DDX39B: variants seen among roughly 807,000 people sequenced by gnomAD.
The protein encoded by DDX39B is DExD-box helicase 39B, also known as spliceosome RNA helicase DDX39B.
Under a neutral mutation model 46.4 loss-of-function variants are expected in DDX39B, and 6 were observed. The ratio of observed to expected loss-of-function variants is 0.13; its 90% CI spans 0.07 to 0.26. The LOEUF is 0.26. DDX39B is among the 10% of genes least tolerant of loss of function. The probability of loss-of-function intolerance (pLI) is 1.00; values close to 1 mark genes in which losing one functional copy is unlikely to be tolerated. For synonymous variants in DDX39B, 174 were observed against 199.4 expected (o/e 0.87, Z 1.07); for missense variants, 185 against 553.4 (o/e 0.33, Z 6.68).
chr6:31,537,840 A>G (rs1187252521), intron 4 of DDX39B, among the ~76,000 whole-genome samples: 2 of 152,152 alleles, frequency 1.3e-5, no homozygotes, highest in African/African-American at 4.8e-5. Flanking sequence ...GTTCGAGACC[A>G]GCCTGGCCAA....
Position 31,536,813 on chromosome 6 carries a change from C to T in DDX39B, c.433-130G>A, listed in dbSNP as rs375020328. The T allele has an allele frequency of 1.1e-4, 123 of 1,163,338 alleles. No individual in the cohort carries two copies. The African/African-American group carries it at 1.5e-3, about 14-fold the overall frequency. The allele number at this position is 1,163,338 out of a possible 1,614,324, so 72.1% of individuals were successfully genotyped here. A position where few individuals can be genotyped will look rare whatever the true frequency, so the allele number is the denominator to read the frequency against. The stretch of plus-strand genomic sequence containing the variant: ...AAACTAAAACTAACTTTAGAGGGCA[C>T]CTAATTTAAAAATTTTATGTCCCCC... On this transcript the variant is annotated intron_variant, in intron 4 of 10. Coordinates refer to ENST00000396172, the MANE Select transcript of DDX39B (RefSeq NM_004640.7).
chr6:31,541,924 G>C (rs781102857), intron 1 of DDX39B, 26 bp downstream of exon 1: 21 of 644,066 alleles, frequency 3.3e-5, no homozygotes, highest in Non-Finnish European at 5.4e-5. Context: ...AGATGGAAAC[G>C]GATTGTAGCG....
chr6:31,535,455 C>T lies in DDX39B; in HGVS notation c.647G>A (p.Arg216His). ...GACCTGCTTCTCGTGGGGGGTCATG[C>T]GAAAAATTTCCTGGACATCCCGACG... ...DMRRDVQEIF[R>H]MTPHEKQVMM... The change falls in exon 6 of 11, where the codon CGC becomes CAC. Residue 216 changes from arginine (R) to histidine (H), a missense_variant. This residue lies in a region of DDX39B where 110 missense variants were observed against 282.2 expected (regional missense o/e 0.39). Coordinates refer to ENST00000396172, the MANE Select transcript of DDX39B (RefSeq NM_004640.7). This position sits in a 1 kb window ranked among gnomAD's most constrained non-coding sequence, Gnocchi z 4.6. The T allele has an allele frequency of 6.2e-7, 1 of 1,612,240 alleles. No individual in the cohort carries two copies. Among genetic ancestry groups the T allele is most frequent in the Non-Finnish European group, 8.5e-7 (1 of 1,179,512 alleles).
chr6:31,532,913 TGGGG>T lies in DDX39B; in HGVS notation c.736-6_736-3del. The T allele has an allele frequency of 6.8e-6, 3 of 443,368 alleles. No homozygotes were observed. Among genetic ancestry groups the T allele is most frequent in the Non-Finnish European group, 6.8e-6 (2 of 293,122 alleles). The allele number at this position is 443,368 out of a possible 1,614,324, so 27.5% of individuals were successfully genotyped here. A position where few individuals can be genotyped will look rare whatever the true frequency, so the allele number is the denominator to read the frequency against. On this transcript the variant is annotated splice_polypyrimidine_tract_variant and splice_region_variant and intron_variant, in intron 6 of 10. Transcript: ENST00000396172. ...ATCATCCACGAAGATCTCCATTGGCTGGGGGGGAGGAAGGGGGTGGGGAACGGGA... is the reference window on the plus strand; with the variant it reads ...ATCATCCACGAAGATCTCCATTGGCTGGGAGGAAGGGGGTGGGGAACGGGA...
intron 5 of DDX39B, 194 bp downstream of exon 5, chr6:31,536,306 T>C (rs752208953): frequency 9.5e-5 from 79 of 829,698 alleles, no homozygotes; most frequent in Non-Finnish European, 1.3e-4. Context: ...ACAAAAATCA[T>C]AGAAAGATGA....
In DDX39B at chr6:31,536,550, T is replaced by C; in HGVS notation, c.566A>G (p.His189Arg). 6.2e-7 allele frequency: 1 copy of C among 1,613,184 alleles called. No homozygotes were observed. Among genetic ancestry groups the C allele is most frequent in the Non-Finnish European group, 8.5e-7 (1 of 1,180,038 alleles). The change falls in exon 5 of 11, where the codon CAC (histidine) becomes CGC (arginine). Residue 189 changes from histidine (H) to arginine (R), a missense_variant. Transcript: ENST00000396172. ...TTCATCCAAAATAAAGTGTTTAATG[T>C]GTTTGAGGTTGAGGCTCTTATTTCG... ...LARNKSLNLK[H>R]IKHFILDECD...
At chr6:31,533,232 G>A in intron 6 of DDX39B, 2 of 277,692 alleles carry the variant, frequency 7.2e-6, no homozygotes, top group Non-Finnish European at 7.1e-6. Context: ...AGGTGGGAGA[G>A]GAAAGAAAAT....
Position 31,530,601 on chromosome 6 carries a change from A to G in DDX39B, c.1271-151T>C. 9.3e-7 allele frequency: 1 copy of G among 1,079,920 alleles called. No homozygotes were observed. Among genetic ancestry groups the G allele is most frequent in the Non-Finnish European group, 1.3e-6 (1 of 789,954 alleles). 66.9% of individuals were successfully genotyped at this position (1,079,920 alleles called of 1,614,324 possible). ...AAGGGATGTAATATGATGAGAGAAG[A>G]CAAGACACCCCACATAAAGGTCAGA... On this transcript the variant is annotated intron_variant, in intron 10 of 10. Coordinates refer to ENST00000396172, the MANE Select transcript of DDX39B (RefSeq NM_004640.7). The surrounding 1 kb of genome is among the most constrained non-coding windows in gnomAD (Gnocchi z 4.5).
In DDX39B at chr6:31,530,768, T is replaced by C; in HGVS notation, c.1270+11A>G. The C allele has an allele frequency of 6.2e-7, 1 of 1,610,802 alleles. No homozygotes were observed. The highest frequency in any genetic ancestry group is 1.1e-5 in the South Asian group (1 of 91,058). On this transcript the variant is annotated intron_variant, in intron 10 of 10. Transcript: ENST00000396172. The surrounding 1 kb of genome is among the most constrained non-coding windows in gnomAD (Gnocchi z 4.5). ...GGAGGACCTAAAGGGTTTCATGAGA[T>C]CAGTACTCACTGTAGGAGGAGATGT...
chr6:31,536,788 A>G, intron 4 of DDX39B, 105 bp from the exon 5 acceptor site: 1 of 1,401,108 alleles, frequency 7.1e-7, no homozygotes, highest in Non-Finnish European at 9.5e-7. Context: ...GCATGTTTCC[A>G]AACTAAAACT....
At position 31,531,582 on chromosome 6, in the gene DDX39B, G is replaced by A. The variant is rs1767171617; in HGVS notation, c.868-177C>T. 1.4e-5 allele frequency: 9 copies of A among 625,444 alleles called. No homozygotes were observed. The highest frequency in any genetic ancestry group is 2.5e-5 in the Non-Finnish European group (9 of 365,912). 38.7% of individuals were successfully genotyped at this position (625,444 alleles called of 1,614,324 possible). ...GAAAAGGAAATATAACTTTACTTCAGCACTGATTTTTCCCTAAGGAAGCTG... is the reference window on the plus strand; with the variant it reads ...GAAAAGGAAATATAACTTTACTTCAACACTGATTTTTCCCTAAGGAAGCTG... On this transcript the variant is annotated intron_variant, in intron 7 of 10. Transcript: ENST00000396172. This position sits in a 1 kb window ranked among gnomAD's most constrained non-coding sequence, Gnocchi z 5.8.
Position 31,530,259 on chromosome 6 carries a change from GT to G in DDX39B, c.*174del, listed in dbSNP as rs1767004063. On this transcript the variant is annotated 3_prime_UTR_variant, in exon 11 of 11. Coordinates refer to ENST00000396172, the MANE Select transcript of DDX39B (RefSeq NM_004640.7). The surrounding 1 kb of genome is among the most constrained non-coding windows in gnomAD (Gnocchi z 4.5). ...ACACATGTGTTTCATTTTTAGTTTT[GT>G]TAAAAAAAAATTCTGACAAATCAGA... The G allele has an allele frequency of 1.1e-6, 1 of 892,060 alleles. No homozygotes were observed. Among genetic ancestry groups the G allele is most frequent in the East Asian group, 2.7e-5 (1 of 36,962 alleles). The allele number at this position is 892,060 out of a possible 1,614,324, so 55.3% of individuals were successfully genotyped here. A position where few individuals can be genotyped will look rare whatever the true frequency, so the allele number is the denominator to read the frequency against.
Position 31,535,081 on chromosome 6 carries a change from C to A in DDX39B, c.735+286G>T. 1 of 474,120 alleles carries A rather than the reference C, an allele frequency of 2.1e-6. No individual in the cohort carries two copies. Among genetic ancestry groups the A allele is most frequent in the Non-Finnish European group, 3.9e-6 (1 of 258,350 alleles). The allele number at this position is 474,120 out of a possible 1,614,324, so 29.4% of individuals were successfully genotyped here. Reference sequence around the variant, plus strand: ...GTAGGGCAGAAAAATCCTGCCCTCCCCCAAAGGGAGAAGAGGTTCAAAAAT... The same window carrying A: ...GTAGGGCAGAAAAATCCTGCCCTCCACCAAAGGGAGAAGAGGTTCAAAAAT... On this transcript the variant is annotated intron_variant, in intron 6 of 10. Coordinates refer to ENST00000396172, the MANE Select transcript of DDX39B (RefSeq NM_004640.7). The surrounding 1 kb of genome is among the most constrained non-coding windows in gnomAD (Gnocchi z 4.6).
chr6:31,541,873 G>C (rs894162250), intron 1 of DDX39B, 77 bp downstream of exon 1: 7 of 636,086 alleles, frequency 1.1e-5, no homozygotes, highest in Non-Finnish European at 2.0e-5. Context: ...TGTGAAAAGG[G>C]TATCAGGAAC....
chr6:31,533,044 C>T lies in DDX39B; in HGVS notation c.736-133G>A, dbSNP rs552893547. 5 of 614,846 alleles carry T rather than the reference C, an allele frequency of 8.1e-6. No individual in the cohort carries two copies. The Admixed American group carries it at 1.2e-4, about 14-fold the overall frequency. 38.1% of individuals were successfully genotyped at this position (614,846 alleles called of 1,614,324 possible). On this transcript the variant is annotated intron_variant, in intron 6 of 10. Transcript: ENST00000396172. ...AGGAAAGAGAAGATTGAAAACCCCA[C>T]CCCACTCCCAAAAATACCCACATTT...
Position 31,535,926 on chromosome 6 carries a change from C to T in DDX39B, c.617-441G>A, listed in dbSNP as rs2075581. The stretch of plus-strand genomic sequence containing the variant: ...CTACCTGGAGCCCACCTTTATAGCT[C>T]ACCATATAGAATTGCCAAAGATCAT... On this transcript the variant is annotated intron_variant, in intron 5 of 10. Transcript: ENST00000396172. The surrounding 1 kb of genome is among the most constrained non-coding windows in gnomAD (Gnocchi z 4.6). Among the ~76,000 whole-genome samples, 12,878 of 152,182 alleles carry T rather than the reference C, an allele frequency of 0.085. 799 individuals carry two copies. Among genetic ancestry groups the T allele is most frequent in the South Asian group, 0.19 (897 of 4,824 alleles).
chr6:31,532,756 C>T (rs761442058), intron 7 of DDX39B, 24 bp downstream of exon 7: 2 of 1,609,096 alleles, frequency 1.2e-6, no homozygotes, highest in Non-Finnish European at 1.7e-6. Flanking sequence ...CAATGCTCAT[C>T]CCCCTACTGG....
At chr6:31,537,751 T>C (rs1338018394) in intron 4 of DDX39B, among the ~76,000 whole-genome samples, 1 of 152,072 alleles carries the variant, frequency 6.6e-6, no homozygotes. Flanking sequence ...AAATCATTAA[T>C]GAGGCCAGGT....
chr6:31,530,279 A>C lies in DDX39B; in HGVS notation c.*155T>G. ...GTTTTGTTAAAAAAAAATTCTGACAAATCAGAAATGGGGGTTCAGGAGTGG... is the reference window on the plus strand; with the variant it reads ...GTTTTGTTAAAAAAAAATTCTGACACATCAGAAATGGGGGTTCAGGAGTGG... On this transcript the variant is annotated 3_prime_UTR_variant, in exon 11 of 11. Transcript: ENST00000396172. This position sits in a 1 kb window ranked among gnomAD's most constrained non-coding sequence, Gnocchi z 4.5. 2.0e-6 allele frequency: 2 copies of C among 987,274 alleles called. No individual in the cohort carries two copies. The highest frequency in any genetic ancestry group is 3.0e-6 in the Non-Finnish European group (2 of 677,264). 61.2% of individuals were successfully genotyped at this position (987,274 alleles called of 1,614,324 possible).
Sources: allele counts gnomAD v4.1 joint callset (sites outside exome capture counted in the v4.1 genomes callset), GRCh38; gene constraint gnomAD v4.1.1; regional missense constraint gnomAD v4.1.1; non-coding constraint Gnocchi (gnomAD v3.1); transcripts MANE v1.5; gene names NCBI Gene and HGNC (gene_info 2026-07-23, HGNC 2026-07-21).